DLGAP2: variants seen among roughly 807,000 people sequenced by gnomAD.
DLGAP2 encodes the protein DLG associated protein 2.
DLGAP2 carries 26 observed loss-of-function variants against 100.3 expected under a neutral mutation model. That is an observed-to-expected ratio of 0.26 (90% confidence interval 0.19 to 0.36). The LOEUF (loss-of-function observed/expected upper bound fraction) is 0.36. Ranked by LOEUF, DLGAP2 falls within the 10% of genes least tolerant of loss-of-function variation. The pLI, the probability that DLGAP2 is intolerant of heterozygous loss-of-function variation, is 1.00. For synonymous variants in DLGAP2, 886 were observed against 630.1 expected (o/e 1.41, Z -6.08); for missense variants, 1,858 against 1,453.2 (o/e 1.28, Z -4.53).
intron 2 of DLGAP2, among the ~76,000 whole-genome samples, chr8:1,056,758 T>TC (rs1802893938): frequency 6.6e-6 from 1 of 152,258 alleles, no homozygotes; most frequent in Non-Finnish European, 1.5e-5. Flanking sequence ...TTTCTTAATT[T>TC]TGATCTCAGT....
chr8:1,454,141 G>T (rs1236609505), intron 3 of DLGAP2, among the ~76,000 whole-genome samples: 1 of 152,172 alleles, frequency 6.6e-6, no homozygotes, highest in African/African-American at 2.4e-5. Context: ...CTGGGCTGGG[G>T]ATGGGGTTCG....
intron 2 of DLGAP2, among the ~76,000 whole-genome samples, chr8:1,004,603 A>G (rs943842675): frequency 1.3e-5 from 2 of 152,136 alleles, no homozygotes; most frequent in East Asian, 1.9e-4. Context: ...AAGGGATCGG[A>G]TTGTGTCCAC....
At chr8:980,691 A>G (rs1031833127) in intron 2 of DLGAP2, among the ~76,000 whole-genome samples, 7 of 152,198 alleles carry the variant, frequency 4.6e-5, no homozygotes, top group African/African-American at 1.7e-4. Flanking sequence ...GAGAGACTCC[A>G]GCAGGAAGGA....
At chr8:1,184,409 G>C (rs1382798302) in intron 2 of DLGAP2, among the ~76,000 whole-genome samples, 1 of 152,194 alleles carries the variant, frequency 6.6e-6, no homozygotes, top group Non-Finnish European at 1.5e-5. Flanking sequence ...TCTTCTCTTG[G>C]TAACAGTTTA....
chr8:1,153,770 G>C (rs1796735177), intron 2 of DLGAP2, among the ~76,000 whole-genome samples: 1 of 152,132 alleles, frequency 6.6e-6, no homozygotes, highest in African/African-American at 2.4e-5. Flanking sequence ...AGTCATAACT[G>C]TTAGGAAACA....
At chr8:863,357 A>G (rs1232198949) in intron 1 of DLGAP2, among the ~76,000 whole-genome samples, 2 of 152,236 alleles carry the variant, frequency 1.3e-5, no homozygotes, top group Non-Finnish European at 2.9e-5. Flanking sequence ...ACAAATATTG[A>G]TGACATCCCA....
At chr8:882,980 G>A (rs1333213060) in intron 1 of DLGAP2, among the ~76,000 whole-genome samples, 5 of 152,230 alleles carry the variant, frequency 3.3e-5, no homozygotes, top group Non-Finnish European at 5.9e-5. Flanking sequence ...TGGTGACACT[G>A]ACAAGCTTTG....
chr8:771,608 G>T (rs971395646), intron 1 of DLGAP2, among the ~76,000 whole-genome samples: 1 of 152,206 alleles, frequency 6.6e-6, no homozygotes, highest in South Asian at 2.1e-4. Context: ...AACCCAGGTG[G>T]TTTAGTTAAG....
At chr8:1,631,370 C>T (rs1411605755) in intron 7 of DLGAP2, among the ~76,000 whole-genome samples, 2 of 152,096 alleles carry the variant, frequency 1.3e-5, no homozygotes, top group Non-Finnish European at 2.9e-5. Flanking sequence ...GACCTTCTCA[C>T]GCTGTCTACG....
At chr8:941,528 C>T (rs1403363126) in intron 2 of DLGAP2, among the ~76,000 whole-genome samples, 1 of 152,168 alleles carries the variant, frequency 6.6e-6, no homozygotes, top group Non-Finnish European at 1.5e-5. Flanking sequence ...AAGAGTGTCT[C>T]CATCTGGAGA....
rs537910388 is a variant in DLGAP2 at position 859,798 on chromosome 8, A to G, written c.19-48114A>G. On this transcript the variant is annotated intron_variant, in intron 1 of 14. Coordinates refer to ENST00000637795, the MANE Select transcript of DLGAP2 (RefSeq NM_001346810.2). ...GCAGGAGTGAAGGGGTTAACTGGCA[A>G]CCCTAATTAGAGTGAGGTGCGGTGT... Among the ~76,000 whole-genome samples, 154 of 152,224 alleles carry G rather than the reference A, an allele frequency of 1.0e-3. 1 individual carries two copies. The highest frequency in any genetic ancestry group is 3.6e-3 in the African/African-American group (150 of 41,562).
intron 2 of DLGAP2, among the ~76,000 whole-genome samples, chr8:1,227,947 G>A (rs962395921): frequency 6.6e-6 from 1 of 152,120 alleles, no homozygotes; most frequent in African/African-American, 2.4e-5. Context: ...TGAGATGATG[G>A]ATATGTTATT....
At chr8:1,554,180 C>A (rs1279365868) in intron 5 of DLGAP2, among the ~76,000 whole-genome samples, 3 of 152,138 alleles carry the variant, frequency 2.0e-5, no homozygotes, top group Admixed American at 6.5e-5. Context: ...CCCAGCTACT[C>A]AGGAGGCCAA....
intron 2 of DLGAP2, among the ~76,000 whole-genome samples, chr8:1,124,488 C>G (rs1178654930): frequency 6.6e-6 from 1 of 152,152 alleles, no homozygotes; most frequent in African/African-American, 2.4e-5. Context: ...CTAATGTTTT[C>G]CTATGTTTCT....
intron 2 of DLGAP2, among the ~76,000 whole-genome samples, chr8:1,161,511 C>A: frequency 6.6e-6 from 1 of 152,118 alleles, no homozygotes; most frequent in East Asian, 1.9e-4. Flanking sequence ...TGTGTGGGGG[C>A]CGGCACAGGG....
At chr8:1,531,424 G>A (rs1033457478) in intron 4 of DLGAP2, among the ~76,000 whole-genome samples, 2 of 152,024 alleles carry the variant, frequency 1.3e-5, no homozygotes, top group African/African-American at 2.4e-5. Context: ...TTAGTTCAGT[G>A]GTTTGACTGT....
intron 7 of DLGAP2, 36 bp downstream of exon 7, chr8:1,626,923 G>A: frequency 1.3e-6 from 2 of 1,559,522 alleles, no homozygotes; most frequent in Non-Finnish European, 1.7e-6. Flanking sequence ...CTGGGGTCCA[G>A]TCTCCCCAGC....
At chr8:940,179 G>A (rs1799162131) in intron 2 of DLGAP2, among the ~76,000 whole-genome samples, 1 of 152,044 alleles carries the variant, frequency 6.6e-6, no homozygotes, top group South Asian at 2.1e-4. Context: ...CGTATTTGAT[G>A]ACTCTTGTGA....
At chr8:1,564,608 C>T (rs1044819536) in intron 5 of DLGAP2, among the ~76,000 whole-genome samples, 3 of 152,194 alleles carry the variant, frequency 2.0e-5, no homozygotes, top group Admixed American at 2.0e-4. Flanking sequence ...AGGTGCTCAC[C>T]TCTGTGCCAG....
Sources: allele counts gnomAD v4.1 joint callset (sites outside exome capture counted in the v4.1 genomes callset), GRCh38; gene constraint gnomAD v4.1.1; transcripts MANE v1.5; gene names NCBI Gene and HGNC (gene_info 2026-07-23, HGNC 2026-07-21).